WBP2: variants seen among roughly 807,000 people sequenced by gnomAD.
WBP2 encodes WW domain binding protein 2.
WBP2 carries 23 observed loss-of-function variants against 33.0 expected under a neutral mutation model. The observed-to-expected ratio is 0.70, with a 90% CI of 0.50 to 0.99. The LOEUF (loss-of-function observed/expected upper bound fraction) is 0.99, where lower values mean the gene tolerates loss of function less well. Among genes scored for constraint, WBP2 ranks in the 50% least tolerant of loss-of-function variants. The pLI, the probability that WBP2 is intolerant of heterozygous loss-of-function variation, is 0.00. For missense variants in WBP2, 353 were observed against 358.0 expected (o/e 0.99, Z 0.11); for synonymous variants, 153 against 133.5 (o/e 1.15, Z -1.01).
In WBP2 at chr17:75,846,900, C is replaced by T. The variant is rs2064995941; in HGVS notation, c.732+8G>A. The T allele has an allele frequency of 1.2e-6, 2 of 1,614,096 alleles. No homozygotes were observed. The highest frequency in any genetic ancestry group is 1.7e-6 in the Non-Finnish European group (2 of 1,179,980). On this transcript the variant is annotated splice_region_variant and intron_variant, in intron 7 of 7. Coordinates refer to ENST00000254806, the MANE Select transcript of WBP2 (RefSeq NM_012478.4). The surrounding 1 kb of genome is among the most constrained non-coding windows in gnomAD (Gnocchi z 4.8). Reference sequence around the variant, plus strand: ...TGGGGCTGCACCGGCACTGCCAAGCCCTCTCACCGTGGGCATGTAGACGTT... The same window carrying T: ...TGGGGCTGCACCGGCACTGCCAAGCTCTCTCACCGTGGGCATGTAGACGTT...
rs561857512 is a variant in WBP2, at chr17:75,847,521, C to A, written c.621G>T (p.Pro207=). The change falls in exon 6 of 8, where the codon CCG becomes CCT. Residue 207 remains proline, a synonymous_variant. Transcript: ENST00000254806. The part of the protein sequence containing the change: ...PPPYPGPMEP[P]VSGPDVPSTP... ...TGGAGGGGACATCGGGGCCGCTGACCGGAGGTTCCATGGGCCCAGGGTAGG... is the reference window on the plus strand; with the variant it reads ...TGGAGGGGACATCGGGGCCGCTGACAGGAGGTTCCATGGGCCCAGGGTAGG... The A allele has an allele frequency of 1.9e-6, 3 of 1,592,246 alleles. No homozygotes were observed. The highest frequency in any genetic ancestry group is 1.8e-5 in the Admixed American group (1 of 56,790).
At chr17:75,847,055 G>A (rs1044531759) in intron 6 of WBP2, 71 bp from the exon 7 acceptor site, 6 of 1,573,080 alleles carry the variant, frequency 3.8e-6, no homozygotes, top group Middle Eastern at 1.7e-4. Flanking sequence ...GAGACCCCGG[G>A]CCCCCATGGC....
At chr17:75,851,781 C>T (rs761562548) in intron 1 of WBP2, 105 bp from the exon 2 acceptor site, 1 of 806,296 alleles carries the variant, frequency 1.2e-6, no homozygotes, top group Non-Finnish European at 2.2e-6. Context: ...CGTCAGCTCT[C>T]ATAACCTCTC....
chr17:75,846,290 C>T lies in WBP2; in HGVS notation c.*444G>A, dbSNP rs2064990287. The T allele has an allele frequency of 2.7e-5, 6 of 219,800 alleles. No individual in the cohort carries two copies. The South Asian group carries it at 2.9e-4, about 11-fold the overall frequency. 13.6% of individuals were successfully genotyped at this position (219,800 alleles called of 1,614,324 possible). ...GTGGCCTTCTGAGACCAGCACAGAC[C>T]AGCAGAGGGAATGTGAGCAGGGTCT... On this transcript the variant is annotated 3_prime_UTR_variant, in exon 8 of 8. Transcript: ENST00000254806. The surrounding 1 kb of genome is among the most constrained non-coding windows in gnomAD (Gnocchi z 4.8).
chr17:75,848,045 T>A (rs1485701467), intron 4 of WBP2, 115 bp from the exon 5 acceptor site: 47 of 1,375,862 alleles, frequency 3.4e-5, no homozygotes, highest in Non-Finnish European at 4.3e-5. Context: ...CCCGCAGACA[T>A]CCTCTGTCCA....
upstream of WBP2, chr17:75,855,535 G>T (rs1434866740): frequency 1.1e-5 from 6 of 571,072 alleles, no homozygotes; most frequent in African/African-American, 9.4e-5. Context: ...CCGCAGCCTC[G>T]GCCTGTCCCT....
At chr17:75,851,411 G>T in intron 2 of WBP2, 157 bp downstream of exon 2, 1 of 604,354 alleles carries the variant, frequency 1.7e-6, no homozygotes, top group East Asian at 2.8e-5. Flanking sequence ...TGGAATCCAG[G>T]AGCATGTGAC....
chr17:75,847,418 GGC>G, intron 6 of WBP2, 67 bp downstream of exon 6: 1 of 1,554,548 alleles, frequency 6.4e-7, no homozygotes, highest in South Asian at 1.2e-5. Context: ...GCCATTCTGA[GGC>G]TCTCTGTGCG....
chr17:75,849,938 C>T (rs887730966), intron 2 of WBP2, among the ~76,000 whole-genome samples, 199 bp from the exon 3 acceptor site: 2 of 152,212 alleles, frequency 1.3e-5, no homozygotes, highest in Admixed American at 6.5e-5. Context: ...GCCAAGCTCA[C>T]GCACACGGGA....
In WBP2 at chr17:75,849,687, A is replaced by G; in HGVS notation, c.221T>C (p.Phe74Ser). 3 of 1,614,190 alleles carry G rather than the reference A, an allele frequency of 1.9e-6. No individual in the cohort carries two copies. Reference sequence around the variant, plus strand: ...GATCTCACAGTCTTTCATGAGATAAAATGGCATCATGAAGGACTGCATGGC... The same window carrying G: ...GATCTCACAGTCTTTCATGAGATAAGATGGCATCATGAAGGACTGCATGGC... ...KDAMQSFMMP[F>S]YLMKDCEIKQ... The change falls in exon 3 of 8, where the codon TTT becomes TCT. Residue 74 changes from phenylalanine (F) to serine (S), a missense_variant. Physicochemically the swap from Phe to Ser is radical, Grantham distance 155. Transcript: ENST00000254806.
chr17:75,848,903 C>T, intron 3 of WBP2: 1 of 559,992 alleles, frequency 1.8e-6, no homozygotes, highest in South Asian at 2.0e-5. Context: ...ATGGCCTCTC[C>T]TTCCTGGAAC....
rs2065009279 is a variant in WBP2, at chr17:75,848,562, C to T, written c.397+8G>A. 3 of 1,613,328 alleles carry T rather than the reference C, an allele frequency of 1.9e-6. No individual in the cohort carries two copies. The African/African-American group carries it at 4.0e-5, about 22-fold the overall frequency. On this transcript the variant is annotated splice_region_variant and intron_variant, in intron 4 of 7. Transcript: ENST00000254806. ...GTCTTTAGCCCCTAATCTTCGGAGC[C>T]TGGATACCTTGAGATGCCACCTGGA...
intron 6 of WBP2, chr17:75,847,207 G>C: frequency 1.5e-6 from 1 of 676,730 alleles, no homozygotes; most frequent in Non-Finnish European, 2.5e-6. Flanking sequence ...CAATGCCCCA[G>C]GTGCCACTGT....
At position 75,848,670 on chromosome 17, in the gene WBP2, G is replaced by C; in HGVS notation, c.305-8C>G. 4 of 1,610,566 alleles carry C rather than the reference G, an allele frequency of 2.5e-6. No homozygotes were observed. Among genetic ancestry groups the C allele is most frequent in the Non-Finnish European group, 3.4e-6 (4 of 1,177,726 alleles). ...CAGAGCCTTCCCAGCCACCTGAAAG[G>C]GGAAGGACAGTGAATAAACAGCACA... On this transcript the variant is annotated splice_polypyrimidine_tract_variant and splice_region_variant and intron_variant, in intron 3 of 7. Coordinates refer to ENST00000254806, the MANE Select transcript of WBP2 (RefSeq NM_012478.4).
At chr17:75,855,927 C>A (rs936394), upstream of WBP2, among the ~76,000 whole-genome samples, 31,626 of 152,276 alleles carry the variant, frequency 0.21, 3,543 homozygotes, top group African/African-American at 0.28. Flanking sequence ...ATCCATCTCA[C>A]CACTCCCAGC....
At position 75,855,307 on chromosome 17, in the gene WBP2, A is replaced by C. The variant is rs1389913648; in HGVS notation, c.-10T>G. 1.2e-6 allele frequency: 2 copies of C among 1,611,828 alleles called. No homozygotes were observed. Among genetic ancestry groups the C allele is most frequent in the South Asian group, 1.1e-5 (1 of 91,030 alleles). On this transcript the variant is annotated 5_prime_UTR_variant, in exon 1 of 8. Transcript: ENST00000254806. ...TCTTGTTGAGCGCCATAGTCTCTCC[A>C]ACAGGGGTCCCGAGACTCAAAACGC...
chr17:75,848,349 G>A lies in WBP2; in HGVS notation c.397+221C>T, dbSNP rs1222173345. 7 of 599,724 alleles carry A rather than the reference G, an allele frequency of 1.2e-5. No individual in the cohort carries two copies. The South Asian group carries it at 1.4e-4, about 12-fold the overall frequency. The allele number at this position is 599,724 out of a possible 1,614,324, so 37.2% of individuals were successfully genotyped here. On this transcript the variant is annotated intron_variant, in intron 4 of 7. Transcript: ENST00000254806. Reference sequence around the variant, plus strand: ...TGAGTCCAAACAGCTTTGTCAAAACGTCATCCACCTGCCCCAGGCAGGGAA... The same window carrying A: ...TGAGTCCAAACAGCTTTGTCAAAACATCATCCACCTGCCCCAGGCAGGGAA...
Position 75,848,629 on chromosome 17 carries a change from GTC to G in WBP2, c.336_337del (p.Leu112PhefsTer9). 6.2e-7 allele frequency: 1 copy of G among 1,614,072 alleles called. No individual in the cohort carries two copies. Among genetic ancestry groups the G allele is most frequent in the Non-Finnish European group, 8.5e-7 (1 of 1,179,972 alleles). On this transcript the variant is annotated frameshift_variant, in exon 4 of 8. Transcript: ENST00000254806. LOFTEE classifies it high-confidence loss of function. ...CTCAATGGCGCCCCCTGCCGTGAAA[GTC>G]AACTTGTAGGAAGCAGAGCCTTCCC...
chr17:75,849,407 C>A lies in WBP2; in HGVS notation c.304+197G>T, dbSNP rs568504698. 367 of 619,224 alleles carry A rather than the reference C, an allele frequency of 5.9e-4. 4 individuals carry two copies. In the South Asian group the frequency reaches 7.5e-3, roughly 13 times the overall value. The allele number at this position is 619,224 out of a possible 1,614,324, so 38.4% of individuals were successfully genotyped here. A position where few individuals can be genotyped will look rare whatever the true frequency, so the allele number is the denominator to read the frequency against. On this transcript the variant is annotated intron_variant, in intron 3 of 7. Coordinates refer to ENST00000254806, the MANE Select transcript of WBP2 (RefSeq NM_012478.4). The stretch of plus-strand genomic sequence containing the variant: ...AGACTTCACGCTCTGAAAAGCTGAT[C>A]TGAGCTGCTGTCTTTCATGCCAGCA...
Sources: allele counts gnomAD v4.1 joint callset (sites outside exome capture counted in the v4.1 genomes callset), GRCh38; gene constraint gnomAD v4.1.1; non-coding constraint Gnocchi (gnomAD v3.1); transcripts MANE v1.5; gene names NCBI Gene and HGNC (gene_info 2026-07-23, HGNC 2026-07-21).